The following ARHGAP8 variants were observed in gnomAD, a reference collection of about 807,000 sequenced individuals.
ARHGAP8 encodes Rho GTPase activating protein 8, also known as rho GTPase-activating protein 8.
In ARHGAP8, 62 loss-of-function variants were observed where a neutral mutation model predicts 46.1. That is an observed-to-expected ratio of 1.34 (90% CI 1.10 to 1.66). ARHGAP8 has a LOEUF of 1.66. Among genes scored for constraint, ARHGAP8 ranks in the 40% most tolerant of loss-of-function variants. The pLI, the probability that ARHGAP8 is intolerant of heterozygous loss-of-function variation, is 0.00. For missense variants in ARHGAP8, 923 were observed against 568.4 expected, an observed-to-expected ratio of 1.62 and a Z score of -6.34; for synonymous variants, 375 against 243.1, an observed-to-expected ratio of 1.54 and a Z score of -5.05.
rs1355099209 is a variant in ARHGAP8 at position 44,822,481 on chromosome 22, T to C, written c.485+12T>C. The C allele has an allele frequency of 1.3e-6, 2 of 1,534,328 alleles. No individual in the cohort carries two copies. Among genetic ancestry groups the C allele is most frequent in the Admixed American group, 4.8e-5 (2 of 41,624 alleles). On this transcript the variant is annotated intron_variant, in intron 6 of 11. Coordinates refer to ENST00000356099, the MANE Select transcript of ARHGAP8 (RefSeq NM_181335.3). ...CCCGAAGTTTTGCGGTAAGTGCCTGTTAGACCCCAGAAGCCGCATCAATAC... is the reference window on the plus strand; with the variant it reads ...CCCGAAGTTTTGCGGTAAGTGCCTGCTAGACCCCAGAAGCCGCATCAATAC...
intron 1 of ARHGAP8, among the ~76,000 whole-genome samples, chr22:44,779,549 G>A (rs1371724071): frequency 6.9e-6 from 1 of 144,836 alleles, no homozygotes; most frequent in Admixed American, 7.2e-5. Flanking sequence ...TACATGGGCG[G>A]TTTCCAGTTT....
At chr22:44,766,592 CTG>C (rs1039908982) in intron 1 of ARHGAP8, among the ~76,000 whole-genome samples, 5 of 152,064 alleles carry the variant, frequency 3.3e-5, no homozygotes, top group African/African-American at 1.2e-4. Context: ...ATGTGTGTCT[CTG>C]TGTGTAAGAT....
At chr22:44,838,338 A>C (rs889186247) in intron 7 of ARHGAP8, among the ~76,000 whole-genome samples, 3 of 152,114 alleles carry the variant, frequency 2.0e-5, no homozygotes, top group Admixed American at 6.5e-5. Context: ...GGGTTTCACC[A>C]TGTTGGTCAG....
At chr22:44,813,173 G>T (rs919999584) in intron 4 of ARHGAP8, among the ~76,000 whole-genome samples, 1 of 152,034 alleles carries the variant, frequency 6.6e-6, no homozygotes, top group Non-Finnish European at 1.5e-5. Context: ...AGTGCTTGTT[G>T]CTTTTGGGGT....
chr22:44,858,689 G>A (rs1215558157), intron 10 of ARHGAP8, among the ~76,000 whole-genome samples: 2 of 151,114 alleles, frequency 1.3e-5, no homozygotes, highest in South Asian at 2.1e-4. Context: ...GGTTTTGACT[G>A]GAAGGCTATG....
intron 5 of ARHGAP8, among the ~76,000 whole-genome samples, chr22:44,821,228 G>A (rs200113633): frequency 5.9e-5 from 9 of 152,140 alleles, no homozygotes; most frequent in East Asian, 3.9e-4. Context: ...TCAGGAGATC[G>A]AGACCATCCT....
At chr22:44,852,269 G>A (rs1292307906) in intron 10 of ARHGAP8, among the ~76,000 whole-genome samples, 1 of 150,068 alleles carries the variant, frequency 6.7e-6, no homozygotes, top group African/African-American at 2.4e-5. Context: ...CAGCCCGAAT[G>A]TTTTGATACT....
chr22:44,801,271 A>AG (rs1928512095), intron 2 of ARHGAP8, among the ~76,000 whole-genome samples: 1 of 43,412 alleles, frequency 2.3e-5, no homozygotes. Context: ...TCTATGTGTG[A>AG]GGGGCGCCTC....
chr22:44,795,101 G>A (rs1043256128), intron 2 of ARHGAP8, among the ~76,000 whole-genome samples: 1 of 151,670 alleles, frequency 6.6e-6, no homozygotes, highest in East Asian at 1.9e-4. Flanking sequence ...CAAATTAGTT[G>A]CCCTTCTGGT....
At chr22:44,857,843 G>A (rs1169845523) in intron 10 of ARHGAP8, among the ~76,000 whole-genome samples, 2 of 152,108 alleles carry the variant, frequency 1.3e-5, no homozygotes, top group Non-Finnish European at 2.9e-5. Context: ...TGAAATGCTT[G>A]ACCTCTTGCT....
At chr22:44,841,000 C>A (rs1931614600) in intron 7 of ARHGAP8, among the ~76,000 whole-genome samples, 1 of 152,134 alleles carries the variant, frequency 6.6e-6, no homozygotes, top group Non-Finnish European at 1.5e-5. Context: ...CTCCATGGCC[C>A]CAAAACTTGG....
intron 1 of ARHGAP8, among the ~76,000 whole-genome samples, chr22:44,762,576 CTT>C (rs1376728409): frequency 7.4e-6 from 1 of 134,952 alleles, no homozygotes; most frequent in Non-Finnish European, 1.5e-5. Flanking sequence ...TGGAGTCTCA[CTT>C]TGTCACCCAG....
chr22:44,780,901 C>T (rs2147035100), intron 1 of ARHGAP8, among the ~76,000 whole-genome samples: 1 of 152,234 alleles, frequency 6.6e-6, no homozygotes, highest in Admixed American at 6.5e-5. Context: ...GTTCTGTTTC[C>T]CATTTTACAG....
intron 7 of ARHGAP8, among the ~76,000 whole-genome samples, chr22:44,827,931 C>CT (rs1210238156): frequency 3.9e-5 from 6 of 152,222 alleles, no homozygotes; most frequent in African/African-American, 1.4e-4. Flanking sequence ...ATGGAACTCT[C>CT]TGTCAGGATG....
At position 44,848,994 on chromosome 22, in the gene ARHGAP8, T is replaced by C. The variant is rs1389930062; in HGVS notation, c.811T>C (p.Phe271Leu). ...CATCCCTGCCGTGATCCTGAAGACC[T>C]TCCTGCGAGAGCTGCCCCAGCCGCT... The part of the protein sequence containing the change: ...IHIPAVILKT[F>L]LRELPQPLLT... The change falls in exon 10 of 12, where the codon TTC becomes CTC. Residue 271 changes from phenylalanine to leucine, a missense_variant. By Grantham distance (22) the Phe-to-Leu change is conservative. Transcript: ENST00000356099. 2 of 1,614,130 alleles carry C rather than the reference T, an allele frequency of 1.2e-6. No individual in the cohort carries two copies.
chr22:44,752,612 C>G lies in ARHGAP8; in HGVS notation c.-87C>G, dbSNP rs1323481846. ...GACCCGGCACGCAGGTGGGGGCCGGCGGGGTCCGTGGCCAGGTAAGGCGGG... is the reference window on the plus strand; with the variant it reads ...GACCCGGCACGCAGGTGGGGGCCGGGGGGGTCCGTGGCCAGGTAAGGCGGG... On this transcript the variant is annotated 5_prime_UTR_variant, in exon 1 of 12. Transcript: ENST00000356099. 8.5e-6 allele frequency: 1 copy of G among 118,050 alleles called. No homozygotes were observed. 7.3% of individuals were successfully genotyped at this position (118,050 alleles called of 1,614,324 possible).
At chr22:44,838,775 T>C (rs1246790910) in intron 7 of ARHGAP8, among the ~76,000 whole-genome samples, 1 of 152,216 alleles carries the variant, frequency 6.6e-6, no homozygotes, top group Non-Finnish European at 1.5e-5. Context: ...TAAGTCACTG[T>C]AGCTCACTGG....
chr22:44,861,972 C>G lies in ARHGAP8; in HGVS notation c.982-303C>G, dbSNP rs117919316. Among the ~76,000 whole-genome samples the G allele has an allele frequency of 4.0e-3, 615 of 152,296 alleles. 19 individuals carry two copies. The East Asian group carries it at 0.08, about 20-fold the overall frequency. ...CGTACCGTCTGTGCTACAGCCCATC[C>G]CCAAGATTGCATCTCCCCAGAAGGT... On this transcript the variant is annotated intron_variant, in intron 11 of 11. Coordinates refer to ENST00000356099, the MANE Select transcript of ARHGAP8 (RefSeq NM_181335.3).
At chr22:44,767,527 C>T (rs1602147002) in intron 1 of ARHGAP8, among the ~76,000 whole-genome samples, 1 of 152,066 alleles carries the variant, frequency 6.6e-6, no homozygotes, top group South Asian at 2.1e-4. Context: ...ATTCAAATCC[C>T]GCAGTTGTCC....
Sources: allele counts gnomAD v4.1 joint callset (sites outside exome capture counted in the v4.1 genomes callset), GRCh38; gene constraint gnomAD v4.1.1; transcripts MANE v1.5; gene names NCBI Gene and HGNC (gene_info 2026-07-23, HGNC 2026-07-21).